The following NAE1 variants were observed in gnomAD, a reference collection of about 807,000 sequenced individuals.
NAE1 encodes NEDD8-activating enzyme E1 regulatory subunit.
In NAE1, 59 loss-of-function variants were observed where a neutral mutation model predicts 88.0. That is an observed-to-expected ratio of 0.67 (90% CI 0.54 to 0.83). The LOEUF is 0.83. NAE1 is among the 40% of genes least tolerant of loss of function. The pLI is 0.00. For synonymous variants in NAE1, 186 were observed against 208.9 expected, an observed-to-expected ratio of 0.89 and a Z score of 0.95; for missense variants, 554 against 632.8, an observed-to-expected ratio of 0.88 and a Z score of 1.34.
rs932818598 is a variant in NAE1, at chr16:66,825,013, G to C, written c.219-128C>G. ...TATATTGTGATTACAGACTGTAATG[G>C]CCTTCCTGGAGGAAGAAAATCAGAT... On this transcript the variant is annotated intron_variant, in intron 3 of 19. Transcript: ENST00000290810. 7.3e-6 allele frequency: 4 copies of C among 549,620 alleles called. No individual in the cohort carries two copies. The Admixed American group carries it at 1.6e-4, about 22-fold the overall frequency. 34.0% of individuals were successfully genotyped at this position (549,620 alleles called of 1,614,324 possible). A position where few individuals can be genotyped will look rare whatever the true frequency, so the allele number is the denominator to read the frequency against.
intron 13 of NAE1, among the ~76,000 whole-genome samples, chr16:66,811,632 G>A (rs1959804936): frequency 6.6e-6 from 1 of 152,074 alleles, no homozygotes; most frequent in African/African-American, 2.4e-5. Context: ...CATCCCTTGT[G>A]GCACATTTCA....
chr16:66,806,124 T>C (rs1311674654), intron 17 of NAE1, 98 bp from the exon 18 acceptor site: 3 of 1,333,950 alleles, frequency 2.2e-6, no homozygotes, highest in East Asian at 2.6e-5. Flanking sequence ...AGTCAAAATA[T>C]GTATGAAACT....
chr16:66,823,104 T>TAAA, intron 6 of NAE1, 123 bp downstream of exon 6: 1 of 417,274 alleles, frequency 2.4e-6, no homozygotes, highest in African/African-American at 2.2e-5. Context: ...AAAAGTTTCA[T>TAAA]ATTTAAAGTT....
At position 66,809,088 on chromosome 16, in the gene NAE1, A is replaced by C. The variant is rs751850348; in HGVS notation, c.1151-13T>G. 6.3e-7 allele frequency: 1 copy of C among 1,596,054 alleles called. No homozygotes were observed. Among genetic ancestry groups the C allele is most frequent in the Admixed American group, 1.7e-5 (1 of 58,764 alleles). Reference sequence around the variant, plus strand: ...GCAGAATTGCTGCCTGAACAGAGGAAAGATATTCTGGAAGTAATGACTGTG... The same window carrying C: ...GCAGAATTGCTGCCTGAACAGAGGACAGATATTCTGGAAGTAATGACTGTG... On this transcript the variant is annotated splice_polypyrimidine_tract_variant and intron_variant, in intron 15 of 19. Transcript: ENST00000290810.
intron 17 of NAE1, among the ~76,000 whole-genome samples, chr16:66,806,340 C>T (rs1387420340): frequency 6.6e-6 from 1 of 152,170 alleles, no homozygotes; most frequent in Non-Finnish European, 1.5e-5. Flanking sequence ...TAATGTCCTA[C>T]TTATACCCTT....
chr16:66,816,739 A>T (rs1236702245), intron 10 of NAE1, 67 bp from the exon 11 acceptor site: 161 of 1,352,326 alleles, frequency 1.2e-4, no homozygotes, highest in Non-Finnish European at 1.6e-4. Context: ...CCCATTATAA[A>T]AATAACCTTG....
chr16:66,812,825 CT>C lies in NAE1; in HGVS notation c.1034+738del, dbSNP rs78456292. On this transcript the variant is annotated intron_variant, in intron 13 of 19. Coordinates refer to ENST00000290810, the MANE Select transcript of NAE1 (RefSeq NM_003905.4). ...TGAGCCACCACGCCCGGCCTAAGTT[CT>C]TTTTTTTTTTTTTTGAGACAGAGTC... Among the ~76,000 whole-genome samples, 894 of 119,708 alleles carry C rather than the reference CT, an allele frequency of 7.5e-3. 4 individuals carry two copies. Among genetic ancestry groups the C allele is most frequent in the Non-Finnish European group, 7.1e-3 (394 of 55,522 alleles). 78.5% of individuals were successfully genotyped at this position (119,708 alleles called of 152,430 possible).
intron 11 of NAE1, among the ~76,000 whole-genome samples, chr16:66,815,197 T>C (rs551592887): frequency 6.6e-6 from 1 of 152,336 alleles, no homozygotes; most frequent in African/African-American, 2.4e-5. Flanking sequence ...CCCCCAACTA[T>C]TAGAATCTTT....
chr16:66,817,102 C>G, intron 9 of NAE1, 74 bp from the exon 10 acceptor site: 3 of 1,495,554 alleles, frequency 2.0e-6, no homozygotes, highest in Non-Finnish European at 2.7e-6. Flanking sequence ...TAAAGTGTCC[C>G]CCATTCTCTA....
At chr16:66,822,221 C>A (rs1010188344) in intron 6 of NAE1, among the ~76,000 whole-genome samples, 10 of 152,064 alleles carry the variant, frequency 6.6e-5, no homozygotes, top group Admixed American at 3.3e-4. Context: ...AGAACAAAAA[C>A]AACAACAACA....
intron 15 of NAE1, 90 bp downstream of exon 15, chr16:66,810,279 AAACTT>A: frequency 9.5e-7 from 1 of 1,051,938 alleles, no homozygotes; most frequent in East Asian, 2.4e-5. Context: ...AGGCCATGGA[AAACTT>A]AAAATTTCAA....
At chr16:66,806,169 T>G in intron 17 of NAE1, 143 bp from the exon 18 acceptor site, 1 of 968,922 alleles carries the variant, frequency 1.0e-6, no homozygotes, top group South Asian at 2.0e-5. Context: ...AGACCAATAT[T>G]TGCACATATC....
In NAE1 at chr16:66,803,217, G is replaced by A. The variant is rs890938512; in HGVS notation, c.1496-99C>T. On this transcript the variant is annotated intron_variant, in intron 19 of 19. Transcript: ENST00000290810. The stretch of plus-strand genomic sequence containing the variant: ...AAACTTTTCCTTTTCAAAAGCAAAG[G>A]TGTTTTAAAGTGACCCAAAACAGAT... 4.5e-5 allele frequency: 34 copies of A among 753,420 alleles called. No homozygotes were observed. The Admixed American group carries it at 8.7e-4, about 19-fold the overall frequency. 46.7% of individuals were successfully genotyped at this position (753,420 alleles called of 1,614,324 possible).
intron 17 of NAE1, among the ~76,000 whole-genome samples, chr16:66,808,201 T>C (rs1012479155): frequency 2.0e-5 from 3 of 152,194 alleles, no homozygotes; most frequent in African/African-American, 7.2e-5. Context: ...CTGGCCAGCA[T>C]ATTTCTTGTG....
intron 15 of NAE1, among the ~76,000 whole-genome samples, chr16:66,809,385 T>C (rs1295438038): frequency 6.6e-6 from 1 of 152,216 alleles, no homozygotes. Flanking sequence ...AAATGTGACA[T>C]CTGTATAAAG....
In NAE1 at chr16:66,823,586, A is replaced by T; in HGVS notation, c.264T>A (p.Ala88=). The T allele has an allele frequency of 6.2e-7, 1 of 1,606,100 alleles. No homozygotes were observed. The highest frequency in any genetic ancestry group is 8.5e-7 in the Non-Finnish European group (1 of 1,178,080). The change falls in exon 5 of 20, where the codon GCT becomes GCA. Residue 88 remains alanine (A), a synonymous_variant. Coordinates refer to ENST00000290810, the MANE Select transcript of NAE1 (RefSeq NM_003905.4). ...TTAATTCTTGTAAGAATTCCATGGCAGCTTCAGCTCGGTTCTTTTTAAAAA... is the reference window on the plus strand; with the variant it reads ...TTAATTCTTGTAAGAATTCCATGGCTGCTTCAGCTCGGTTCTTTTTAAAAA... ...RSSIGKNRAE[A]AMEFLQELNS...
intron 7 of NAE1, among the ~76,000 whole-genome samples, chr16:66,819,168 C>T (rs1960160236): frequency 6.6e-6 from 1 of 152,138 alleles, no homozygotes; most frequent in Non-Finnish European, 1.5e-5. Context: ...TCCTTTAGAA[C>T]ACAATTTGTT....
Position 66,813,621 on chromosome 16 carries a change from C to T in NAE1, c.977G>A (p.Arg326Gln), listed in dbSNP as rs770513670. Reference protein sequence around the residue: ...AKEGQGNLPVRGTIPDMIADS... With the variant: ...AKEGQGNLPVQGTIPDMIADS... Reference sequence around the variant, plus strand: ...TGCAATCATATCAGGAATTGTGCCTCGAACAGGTAAATTTCCTTGACCCTC... The same window carrying T: ...TGCAATCATATCAGGAATTGTGCCTTGAACAGGTAAATTTCCTTGACCCTC... The change falls in exon 13 of 20, where the codon CGA becomes CAA. Residue 326 changes from arginine to glutamine, a missense_variant. Coordinates refer to ENST00000290810, the MANE Select transcript of NAE1 (RefSeq NM_003905.4). 6 of 1,613,992 alleles carry T rather than the reference C, an allele frequency of 3.7e-6. No homozygotes were observed. The highest frequency in any genetic ancestry group is 4.5e-5 in the East Asian group (2 of 44,856).
chr16:66,823,588 C>T lies in NAE1; in HGVS notation c.262G>A (p.Ala88Thr). 1 of 1,599,832 alleles carries T rather than the reference C, an allele frequency of 6.3e-7. No individual in the cohort carries two copies. Among genetic ancestry groups the T allele is most frequent in the Non-Finnish European group, 8.5e-7 (1 of 1,176,544 alleles). Residue 88 changes from alanine (A) to threonine (T), a missense_variant, in exon 5 of 20, where the codon GCT becomes ACT. Transcript: ENST00000290810. ...RSSIGKNRAE[A>T]AMEFLQELNS... ...AATTCTTGTAAGAATTCCATGGCAG[C>T]TTCAGCTCGGTTCTTTTTAAAAACA...
Sources: gnomAD v4.1 joint callset for allele counts (sites outside exome capture counted in the v4.1 genomes callset) on GRCh38, gnomAD v4.1.1 for gene constraint, MANE v1.5 for transcripts, NCBI Gene and HGNC (gene_info 2026-07-23, HGNC 2026-07-21) for gene names.